The following CFHR5 variants were observed in gnomAD, a reference collection of about 807,000 sequenced individuals.
CFHR5 encodes the protein complement factor H related 5.
A neutral mutation model predicts 62.9 loss-of-function variants in CFHR5; 73 were observed. That is an observed-to-expected ratio of 1.16 (90% CI 0.96 to 1.41). The LOEUF (loss-of-function observed/expected upper bound fraction) is 1.41. CFHR5 is among the 40% of genes most tolerant of loss of function. The pLI, the probability that CFHR5 is intolerant of heterozygous loss-of-function variation, is 0.00. For missense variants in CFHR5, 779 were observed against 679.9 expected (o/e 1.15, Z -1.62); for synonymous variants, 249 against 227.2 (o/e 1.10, Z -0.86).
chr1:197,006,904 T>G (rs1338825360), intron 9 of CFHR5, among the ~76,000 whole-genome samples: 3 of 150,570 alleles, frequency 2.0e-5, no homozygotes, highest in African/African-American at 7.3e-5. Context: ...TGGCGTGATC[T>G]CGGCTCATTG....
rs1034915976 is a variant in CFHR5, at chr1:196,995,735, G to A, written c.626G>A (p.Gly209Asp). Residue 209 changes from glycine (G) to aspartate (D), a missense_variant, in exon 5 of 10, where the codon GGT (glycine) becomes GAT (aspartate). Transcript: ENST00000256785. ...ATAATAGGACAAGTACGATCATGTG[G>A]TCCACCTCCTCAACTCTCCAATGGT... ...PTCKGQVRSC[G>D]PPPQLSNGEV... 3.1e-6 allele frequency: 5 copies of A among 1,612,874 alleles called. No individual in the cohort carries two copies. The African/African-American group carries it at 5.3e-5, about 17-fold the overall frequency.
chr1:197,002,263 G>A (rs985929416), intron 7 of CFHR5, among the ~76,000 whole-genome samples: 2 of 151,858 alleles, frequency 1.3e-5, no homozygotes, highest in Admixed American at 6.6e-5. Flanking sequence ...TAAACTAATG[G>A]TTATAACAAA....
intron 6 of CFHR5, among the ~76,000 whole-genome samples, chr1:196,996,672 A>T (rs2125035447): frequency 6.6e-6 from 1 of 152,228 alleles, no homozygotes; most frequent in East Asian, 1.9e-4. Context: ...AGAACAACCT[A>T]AAAAATAGCA....
In CFHR5 at chr1:197,008,807, T is replaced by A; in HGVS notation, c.*124T>A. ...AGGTGTTGTTTAACTCAGTTTTATT[T>A]AGAACTCTGGATTTTTAGAGCTTTA... On this transcript the variant is annotated 3_prime_UTR_variant, in exon 10 of 10. Transcript: ENST00000256785. The A allele has an allele frequency of 1.2e-6, 1 of 816,170 alleles. No individual in the cohort carries two copies. The highest frequency in any genetic ancestry group is 2.0e-6 in the Non-Finnish European group (1 of 490,770). 50.6% of individuals were successfully genotyped at this position (816,170 alleles called of 1,614,324 possible).
chr1:197,003,592 G>A (rs765470237), intron 8 of CFHR5, among the ~76,000 whole-genome samples: 28 of 152,152 alleles, frequency 1.8e-4, no homozygotes, highest in Admixed American at 3.3e-4. Context: ...TGGACAAGAT[G>A]CCTGATAATT....
intron 3 of CFHR5, among the ~76,000 whole-genome samples, chr1:196,992,688 C>T (rs116214947): frequency 0.014 from 2,056 of 152,212 alleles, 44 homozygotes; most frequent in African/African-American, 0.045. Context: ...TTTTCAATGG[C>T]ATTTTGTTTT....
intron 7 of CFHR5, among the ~76,000 whole-genome samples, chr1:197,001,138 C>A (rs575588287): frequency 6.6e-6 from 1 of 152,238 alleles, no homozygotes; most frequent in Admixed American, 6.5e-5. Flanking sequence ...GAACTAAGTA[C>A]TTTAAGTTCA....
rs555930472 is a variant in CFHR5 at position 196,999,829 on chromosome 1, A to G, written c.1147+1525A>G. On this transcript the variant is annotated intron_variant, in intron 7 of 9. Coordinates refer to ENST00000256785, the MANE Select transcript of CFHR5 (RefSeq NM_030787.4). Reference sequence around the variant, plus strand: ...TATGTGTGTGTGTGTGTGTGTGTGTATATATATAATATATATGTATATCCT... The same window carrying G: ...TATGTGTGTGTGTGTGTGTGTGTGTGTATATATAATATATATGTATATCCT... 1.3e-3 allele frequency among the ~76,000 whole-genome samples: 189 copies of G among 144,666 alleles called. 1 individual carries two copies. The highest frequency in any genetic ancestry group is 7.6e-3 in the South Asian group (34 of 4,476). The allele number at this position is 144,666 out of a possible 152,430, so 94.9% of individuals were successfully genotyped here.
At chr1:197,000,371 T>C (rs1442360817) in intron 7 of CFHR5, among the ~76,000 whole-genome samples, 1 of 152,128 alleles carries the variant, frequency 6.6e-6, no homozygotes, top group Non-Finnish European at 1.5e-5. Flanking sequence ...AGACTGGAAC[T>C]TGTTTCCAGA....
At chr1:196,994,569 C>A (rs573200976) in intron 4 of CFHR5, among the ~76,000 whole-genome samples, 3 of 151,956 alleles carry the variant, frequency 2.0e-5, no homozygotes, top group African/African-American at 7.3e-5. Flanking sequence ...AAATATTGTA[C>A]GAACAATGTT....
At chr1:196,985,179 T>C (rs765524899) in intron 3 of CFHR5, among the ~76,000 whole-genome samples, 8 of 152,168 alleles carry the variant, frequency 5.3e-5, no homozygotes, top group Non-Finnish European at 7.3e-5. Flanking sequence ...TCAAATATTA[T>C]TCCACATCTT....
chr1:197,000,050 C>A (rs1010501995), intron 7 of CFHR5, among the ~76,000 whole-genome samples: 5 of 151,500 alleles, frequency 3.3e-5, no homozygotes, highest in African/African-American at 7.3e-5. Flanking sequence ...CACAAATAAA[C>A]ATTTCTACAA....
At chr1:196,988,407 T>C (rs922358312) in intron 3 of CFHR5, among the ~76,000 whole-genome samples, 3 of 152,174 alleles carry the variant, frequency 2.0e-5, no homozygotes, top group African/African-American at 7.2e-5. Context: ...CAACACTATG[T>C]TGAATAGGAG....
In CFHR5 at chr1:196,995,691, C is replaced by T. The variant is rs752114948; in HGVS notation, c.608-26C>T. ...TTCTATACTTATAAGACCATTTAAG[C>T]ATTATTTATGGTTTCTTTATAATAG... On this transcript the variant is annotated intron_variant, in intron 4 of 9. Coordinates refer to ENST00000256785, the MANE Select transcript of CFHR5 (RefSeq NM_030787.4). The T allele has an allele frequency of 1.9e-6, 3 of 1,585,126 alleles. No individual in the cohort carries two copies. The Admixed American group carries it at 5.0e-5, about 26-fold the overall frequency.
rs761401350 is a variant in CFHR5, at chr1:197,008,617, G to A, written c.1644G>A (p.Met548Ile). 2 of 1,613,828 alleles carry A rather than the reference G, an allele frequency of 1.2e-6. No individual in the cohort carries two copies. Among genetic ancestry groups the A allele is most frequent in the South Asian group, 2.2e-5 (2 of 91,086 alleles). The change falls in exon 10 of 10, where the codon ATG becomes ATA. Residue 548 changes from methionine (M) to isoleucine (I), a missense_variant. By Grantham distance (10) the Met-to-Ile change is conservative (BLOSUM62 1). Coordinates refer to ENST00000256785, the MANE Select transcript of CFHR5 (RefSeq NM_030787.4). The stretch of plus-strand genomic sequence containing the variant: ...AGTGTAAATTCCCACATAAAGCGAT[G>A]ATATCATCACCACCATTTCGAGCAA... Reference protein sequence around the residue: ...EFQCKFPHKAMISSPPFRAIC... With the variant: ...EFQCKFPHKAIISSPPFRAIC...
At chr1:197,006,929 TGG>T (rs1654304110) in intron 9 of CFHR5, among the ~76,000 whole-genome samples, 1 of 149,664 alleles carries the variant, frequency 6.7e-6, no homozygotes. Context: ...CTCCGCCTCC[TGG>T]GTTCAAGCGA....
At chr1:196,982,626 C>A (rs1019371252) in intron 1 of CFHR5, among the ~76,000 whole-genome samples, 5 of 151,702 alleles carry the variant, frequency 3.3e-5, no homozygotes, top group Non-Finnish European at 5.9e-5. Flanking sequence ...CCAAGATTTG[C>A]GTGATTGTAC....
intron 3 of CFHR5, among the ~76,000 whole-genome samples, chr1:196,992,542 A>G (rs1429540831): frequency 2.0e-5 from 3 of 152,140 alleles, no homozygotes; most frequent in Non-Finnish European, 4.4e-5. Flanking sequence ...CCGCTGTCCA[A>G]CCAGTCCCAG....
In CFHR5 at chr1:197,008,495, G is replaced by A. The variant is rs760562488; in HGVS notation, c.1522G>A (p.Val508Met). The stretch of plus-strand genomic sequence containing the variant: ...ACCATTTCTTCTTTCAGATCCATGT[G>A]TGGTATCTGAAGAAAACATGAACAA... The part of the protein sequence containing the change: ...SEPPRCLDPC[V>M]VSEENMNKNN... The change falls in exon 10 of 10, where the codon GTG (valine) becomes ATG (methionine). Residue 508 changes from valine to methionine, a missense_variant. Val to Met is a conservative substitution (Grantham distance 21). Transcript: ENST00000256785. 6.3e-7 allele frequency: 1 copy of A among 1,588,574 alleles called. No individual in the cohort carries two copies. The highest frequency in any genetic ancestry group is 8.6e-7 in the Non-Finnish European group (1 of 1,160,472).
Sources: gnomAD v4.1 joint callset for allele counts (sites outside exome capture counted in the v4.1 genomes callset) on GRCh38, gnomAD v4.1.1 for gene constraint, MANE v1.5 for transcripts, NCBI Gene and HGNC (gene_info 2026-07-23, HGNC 2026-07-21) for gene names.